The following COX7B2 variants were observed in gnomAD, a reference collection of about 807,000 sequenced individuals.
COX7B2 encodes cytochrome c oxidase subunit 7B2, mitochondrial.
For missense variants in COX7B2, 109 were observed against 95.9 expected (o/e 1.14, Z -0.57); for synonymous variants, 37 against 32.1 (o/e 1.15, Z -0.51).
chr4:46,742,458 T>C, intron 2 of COX7B2, among the ~76,000 whole-genome samples: 1 of 152,146 alleles, frequency 6.6e-6, no homozygotes, highest in East Asian at 1.9e-4. Flanking sequence ...AGTGTCCCCT[T>C]TCACAATATA....
At chr4:46,842,601 T>A (rs1033023935) in intron 2 of COX7B2, among the ~76,000 whole-genome samples, 5 of 151,874 alleles carry the variant, frequency 3.3e-5, no homozygotes, top group African/African-American at 1.2e-4. Context: ...CCTTCCTGTG[T>A]CCATGTGTTC....
At chr4:46,852,563 TACACACACAC>T (rs113148039) in intron 1 of COX7B2, among the ~76,000 whole-genome samples, 2 of 145,694 alleles carry the variant, frequency 1.4e-5, no homozygotes, top group Non-Finnish European at 3.1e-5. Context: ...AATACACAAA[TACACACACAC>T]ACACACACAC....
In COX7B2 at chr4:46,808,041, G is replaced by A. The variant is rs555071961; in HGVS notation, c.-50+36919C>T. ...GTTTCATATTGGTTTTAAAGTTGTT[G>A]TTTCTATTTTTTGTGAAGAACATTA... is the stretch of plus-strand genomic sequence containing the variant. On this transcript the variant is annotated intron_variant, in intron 2 of 2. Coordinates refer to ENST00000355591, the MANE Select transcript of COX7B2 (RefSeq NM_130902.3). 6.7e-4 allele frequency among the ~76,000 whole-genome samples: 101 copies of A among 151,726 alleles called. 1 individual carries two copies. The South Asian group carries it at 0.02, about 30-fold the overall frequency.
intron 1 of COX7B2, among the ~76,000 whole-genome samples, chr4:46,855,863 T>G (rs113438389): frequency 0.011 from 1,749 of 152,228 alleles, 28 homozygotes; most frequent in African/African-American, 0.039. Context: ...TGACAAGTAA[T>G]TTTCATAGTT....
chr4:46,836,625 A>C (rs1233939540), intron 2 of COX7B2, among the ~76,000 whole-genome samples: 2 of 152,122 alleles, frequency 1.3e-5, no homozygotes, highest in Non-Finnish European at 2.9e-5. Flanking sequence ...AGCTAAAATA[A>C]TGAATAAAAA....
intron 1 of COX7B2, among the ~76,000 whole-genome samples, chr4:46,882,547 T>C (rs536673944): frequency 1.3e-5 from 2 of 152,352 alleles, no homozygotes; most frequent in Non-Finnish European, 2.9e-5. Context: ...CATTATGTAA[T>C]GCCTTTCTTT....
At chr4:46,895,607 T>C (rs1033715711) in intron 1 of COX7B2, among the ~76,000 whole-genome samples, 5 of 152,198 alleles carry the variant, frequency 3.3e-5, no homozygotes, top group Admixed American at 2.0e-4. Flanking sequence ...AGTTTACCTA[T>C]ATAATAAACC....
At chr4:46,741,206 A>G (rs1714683446) in intron 2 of COX7B2, among the ~76,000 whole-genome samples, 1 of 152,128 alleles carries the variant, frequency 6.6e-6, no homozygotes, top group Non-Finnish European at 1.5e-5. Flanking sequence ...TTGCCCAGAT[A>G]TTACTCTTAA....
chr4:46,843,157 G>A (rs1716051585), intron 2 of COX7B2, among the ~76,000 whole-genome samples: 1 of 151,974 alleles, frequency 6.6e-6, no homozygotes, highest in Non-Finnish European at 1.5e-5. Context: ...GGCCACTGAT[G>A]ATGAGCTCAC....
intron 2 of COX7B2, among the ~76,000 whole-genome samples, chr4:46,840,487 A>G (rs1715858664): frequency 6.6e-6 from 1 of 151,736 alleles, no homozygotes; most frequent in African/African-American, 2.4e-5. Context: ...GTGCTGAGAG[A>G]GAGTCAATGT....
intron 2 of COX7B2, among the ~76,000 whole-genome samples, chr4:46,779,491 A>G (rs1207662171): frequency 6.6e-6 from 1 of 152,176 alleles, no homozygotes; most frequent in African/African-American, 2.4e-5. Flanking sequence ...GGAGGTGCAG[A>G]TATTTAATAT....
At chr4:46,754,728 G>GTGTGTATATATATATATATA (rs1333586285) in intron 2 of COX7B2, among the ~76,000 whole-genome samples, 36 of 39,864 alleles carry the variant, frequency 9.0e-4, no homozygotes, top group Non-Finnish European at 1.2e-3. Flanking sequence ...GTGTGTGTGT[G>GTGTGTATATATATATATATA]TATATATATA....
At chr4:46,886,344 AG>A (rs1461373056) in intron 1 of COX7B2, among the ~76,000 whole-genome samples, 1 of 152,188 alleles carries the variant, frequency 6.6e-6, no homozygotes, top group Admixed American at 6.5e-5. Flanking sequence ...TGATTAAATC[AG>A]GGTAATTAAG....
At chr4:46,747,855 C>A (rs1369393612) in intron 2 of COX7B2, among the ~76,000 whole-genome samples, 2 of 152,090 alleles carry the variant, frequency 1.3e-5, no homozygotes, top group Admixed American at 6.6e-5. Context: ...ATGTTGTAAT[C>A]ACCATAAAAT....
chr4:46,775,559 A>G (rs1482973153), intron 2 of COX7B2, among the ~76,000 whole-genome samples: 1 of 152,104 alleles, frequency 6.6e-6, no homozygotes, highest in Non-Finnish European at 1.5e-5. Context: ...TACCGCAATG[A>G]ATATCCCCCT....
At chr4:46,905,570 C>A (rs994898821) in intron 1 of COX7B2, among the ~76,000 whole-genome samples, 7 of 152,320 alleles carry the variant, frequency 4.6e-5, no homozygotes, top group African/African-American at 1.7e-4. Context: ...AAAATGCACT[C>A]AGTATACTGT....
intron 2 of COX7B2, among the ~76,000 whole-genome samples, chr4:46,736,352 C>A (rs1355760185): frequency 6.6e-6 from 1 of 151,832 alleles, no homozygotes; most frequent in Non-Finnish European, 1.5e-5. Flanking sequence ...ATATAGCAGG[C>A]AAGAAATGTA....
chr4:46,880,134 T>C (rs929030352), intron 1 of COX7B2, among the ~76,000 whole-genome samples: 8 of 152,288 alleles, frequency 5.3e-5, no homozygotes, highest in Non-Finnish European at 8.8e-5. Context: ...TCCTTCAATA[T>C]GGTGGCTTAA....
intron 2 of COX7B2, among the ~76,000 whole-genome samples, chr4:46,752,640 T>C (rs1019534596): frequency 6.6e-6 from 1 of 152,170 alleles, no homozygotes; most frequent in Non-Finnish European, 1.5e-5. Flanking sequence ...GGCTGTTGAA[T>C]TTTGTCAAAA....
Sources: gnomAD v4.1 joint callset for allele counts (sites outside exome capture counted in the v4.1 genomes callset) on GRCh38, gnomAD v4.1.1 for gene constraint, MANE v1.5 for transcripts, NCBI Gene and HGNC (gene_info 2026-07-23, HGNC 2026-07-21) for gene names.